Variants in NAV2 observed in about 807,000 individuals in gnomAD.
NAV2 encodes neuron navigator 2.
Under a neutral mutation model 223.2 loss-of-function variants are expected in NAV2, and 54 were observed. The ratio of observed to expected loss-of-function variants is 0.24; its 90% CI spans 0.19 to 0.30. The LOEUF (loss-of-function observed/expected upper bound fraction) is 0.30, where lower values mean the gene tolerates loss of function less well. NAV2 is among the 10% of genes least tolerant of loss of function. The probability of loss-of-function intolerance (pLI) is 1.00; values close to 1 mark genes in which losing one functional copy is unlikely to be tolerated. For synonymous variants in NAV2, 1,279 were observed against 1,239.3 expected (o/e 1.03, Z -0.67); for missense variants, 2,806 against 3,147.5 (o/e 0.89, Z 2.60).
At chr11:19,918,594 A>T (rs1428261342) in intron 6 of NAV2, among the ~76,000 whole-genome samples, 1 of 152,208 alleles carries the variant, frequency 6.6e-6, no homozygotes, top group Non-Finnish European at 1.5e-5. Context: ...GGTGGAATAG[A>T]TATGCCCCTG....
intron 3 of NAV2, among the ~76,000 whole-genome samples, chr11:19,850,876 A>G (rs964252276): frequency 2.6e-5 from 4 of 152,172 alleles, no homozygotes; most frequent in Non-Finnish European, 4.4e-5. Flanking sequence ...TGAGGAATAT[A>G]TTTTATCCAT....
At chr11:19,734,697 A>G (rs1204170935) in intron 1 of NAV2, among the ~76,000 whole-genome samples, 1 of 152,212 alleles carries the variant, frequency 6.6e-6, no homozygotes, top group East Asian at 1.9e-4. Flanking sequence ...AAGTTCATGC[A>G]TCCCTCCCCT....
At chr11:19,992,566 A>G (rs1347695018) in intron 11 of NAV2, among the ~76,000 whole-genome samples, 3 of 149,838 alleles carry the variant, frequency 2.0e-5, no homozygotes, top group Non-Finnish European at 3.0e-5. Context: ...AGAGAGTATA[A>G]TCATGCTCCT....
chr11:19,946,566 G>A (rs2046955455), intron 9 of NAV2, 57 bp downstream of exon 9: 2 of 1,454,906 alleles, frequency 1.4e-6, no homozygotes, highest in South Asian at 1.2e-5. Context: ...TTTCTCCTGT[G>A]TTTGTTCATA....
rs140747815 is a variant in NAV2 at position 19,680,683 on chromosome 11, A to G, written c.76-151801A>G. Among the ~76,000 whole-genome samples, 154 of 152,334 alleles carry G rather than the reference A, an allele frequency of 1.0e-3. 2 individuals are homozygous for G. Among genetic ancestry groups the G allele is most frequent in the East Asian group, 9.1e-3 (47 of 5,180 alleles). On this transcript the variant is annotated intron_variant, in intron 1 of 37. Transcript: ENST00000360655. ...TGAACCTTAGTTTCCTTATCTGCAA[A>G]ATGGGGATAATAATGCCTATATAAG...
At chr11:19,350,919 C>T (rs185318347) in exon 1 of NAV2, 40 of 1,547,704 alleles carry the variant, frequency 2.6e-5, no homozygotes, top group Non-Finnish European at 3.2e-5. Context: ...TTGGAAGCAT[C>T]GCTGAAGGAG....
At position 20,035,951 on chromosome 11, in the gene NAV2, C is replaced by G; in HGVS notation, c.2769-8C>G. 1 of 1,614,054 alleles carries G rather than the reference C, an allele frequency of 6.2e-7. No homozygotes were observed. Among genetic ancestry groups the G allele is most frequent in the Non-Finnish European group, 8.5e-7 (1 of 1,179,986 alleles). ...TTTGGTGCTCAGGATGTGTGTTTGT[C>G]TTGGCAGCTGGGACGACAGCAGCTC... On this transcript the variant is annotated splice_region_variant and splice_polypyrimidine_tract_variant and intron_variant, in intron 11 of 37. Transcript: ENST00000349880.
At chr11:20,021,599 T>A (rs1250378447) in intron 11 of NAV2, among the ~76,000 whole-genome samples, 2 of 152,178 alleles carry the variant, frequency 1.3e-5, no homozygotes, top group African/African-American at 4.8e-5. Flanking sequence ...GTTTGAAGCA[T>A]CCTTGTCAGC....
At chr11:19,505,681 A>G (rs1417094140) in intron 1 of NAV2, 2 of 152,206 alleles carry the variant, frequency 1.3e-5, no homozygotes, top group African/African-American at 4.8e-5. Context: ...AGAACCACAA[A>G]TCACATTTAC....
At chr11:20,008,228 G>C (rs1410305553) in intron 11 of NAV2, among the ~76,000 whole-genome samples, 2 of 152,094 alleles carry the variant, frequency 1.3e-5, no homozygotes, top group African/African-American at 4.8e-5. Context: ...TTAGCCAAGT[G>C]TGGTGGCGTG....
chr11:19,513,271 A>G (rs1358224072), intron 1 of NAV2, among the ~76,000 whole-genome samples: 1 of 152,206 alleles, frequency 6.6e-6, no homozygotes, highest in Non-Finnish European at 1.5e-5. Flanking sequence ...CAACCAGAAA[A>G]AGTTGAGACC....
At chr11:19,900,353 G>C (rs925845766) in intron 6 of NAV2, among the ~76,000 whole-genome samples, 1 of 152,184 alleles carries the variant, frequency 6.6e-6, no homozygotes, top group East Asian at 1.9e-4. Flanking sequence ...TGCAATCAAA[G>C]AGAATGCAAG....
chr11:19,617,370 C>T (rs1208226798), intron 1 of NAV2, among the ~76,000 whole-genome samples: 5 of 152,120 alleles, frequency 3.3e-5, no homozygotes, highest in Admixed American at 6.5e-5. Context: ...CACCTTCCTT[C>T]CCAACAGGTT....
intron 2 of NAV2, among the ~76,000 whole-genome samples, chr11:19,836,027 A>G (rs1487957974): frequency 2.0e-5 from 3 of 152,112 alleles, no homozygotes; most frequent in East Asian, 1.9e-4. Context: ...TGGGTTCCCA[A>G]CATTTAGCAT....
chr11:19,948,098 C>T (rs1402589316), intron 9 of NAV2, among the ~76,000 whole-genome samples: 3 of 148,286 alleles, frequency 2.0e-5, no homozygotes, highest in African/African-American at 5.1e-5. Flanking sequence ...TTTTTTTTGC[C>T]GGGGGGGATG....
chr11:19,680,504 C>T (rs887341144), intron 1 of NAV2, among the ~76,000 whole-genome samples: 8 of 152,170 alleles, frequency 5.3e-5, no homozygotes, highest in African/African-American at 1.7e-4. Flanking sequence ...AACTGTAGGA[C>T]ACACCCCTCA....
intron 1 of NAV2, among the ~76,000 whole-genome samples, chr11:19,551,525 A>G (rs1172989254): frequency 1.3e-5 from 2 of 152,134 alleles, no homozygotes; most frequent in Admixed American, 1.3e-4. Flanking sequence ...TCCTGGCCTC[A>G]CAGCCCACCA....
chr11:20,073,262 GC>G (rs2153647830), intron 22 of NAV2, among the ~76,000 whole-genome samples: 1 of 133,108 alleles, frequency 7.5e-6, no homozygotes, highest in South Asian at 2.7e-4. Flanking sequence ...TGTTGAACCA[GC>G]CTTGCATCCC....
intron 11 of NAV2, among the ~76,000 whole-genome samples, chr11:19,985,383 G>A (rs866603014): frequency 1.3e-5 from 2 of 152,150 alleles, no homozygotes; most frequent in Admixed American, 6.5e-5. Flanking sequence ...TAACTTGAAT[G>A]TGTCCTCCTT....
Sources: allele counts gnomAD v4.1 joint callset (sites outside exome capture counted in the v4.1 genomes callset), GRCh38; gene constraint gnomAD v4.1.1; transcripts MANE v1.5; gene names NCBI Gene and HGNC (gene_info 2026-07-23, HGNC 2026-07-21).